DNAH1: variants seen among roughly 807,000 people sequenced by gnomAD.
The protein encoded by DNAH1 is axonemal beta dynein heavy chain 1.
A neutral mutation model predicts 484.3 loss-of-function variants in DNAH1; 327 were observed. The ratio of observed to expected loss-of-function variants is 0.68; its 90% confidence interval spans 0.62 to 0.74. DNAH1 has a LOEUF of 0.74. DNAH1 is among the 30% of genes least tolerant of loss of function. DNAH1 has a pLI of 0.00. For synonymous variants in DNAH1, 2,192 were observed against 2,191.9 expected (o/e 1.00, Z 0.00); for missense variants, 5,052 against 5,546.8 (o/e 0.91, Z 2.83).
intron 45 of DNAH1, 150 bp downstream of exon 45, chr3:52,375,563 T>C (rs1285055068): frequency 7.0e-6 from 6 of 855,026 alleles, no homozygotes; most frequent in South Asian, 5.2e-5. Context: ...TGTGTGATCT[T>C]TGGCAGCTCA....
intron 9 of DNAH1, 90 bp from the exon 10 acceptor site, chr3:52,345,405 G>A (rs1020403066): frequency 2.3e-5 from 25 of 1,095,716 alleles, no homozygotes; most frequent in Middle Eastern, 2.9e-4. Flanking sequence ...CAGGAGTCAT[G>A]GCCCTCCTTC....
intron 37 of DNAH1, among the ~76,000 whole-genome samples, chr3:52,369,128 G>A (rs756377448): frequency 6.6e-6 from 1 of 152,152 alleles, no homozygotes; most frequent in Non-Finnish European, 1.5e-5. Flanking sequence ...ACACCTCAGG[G>A]TGTCCCGCAC....
rs1032294166 is a variant in DNAH1 at position 52,397,024 on chromosome 3, C to T, written c.11767C>T (p.Pro3923Ser). The T allele has an allele frequency of 1.2e-6, 2 of 1,608,480 alleles. No homozygotes were observed. Among genetic ancestry groups the T allele is most frequent in the African/African-American group, 2.7e-5 (2 of 74,852 alleles). Reference protein sequence around the residue: ...YSASGIYHQIPPTYDLHGYLS... With the variant: ...YSASGIYHQISPTYDLHGYLS... ...CGCCTCGGGCATCTACCACCAGATC[C>T]CGCCTACCTACGACCTCCACGTGAG... is the stretch of plus-strand genomic sequence containing the variant. Residue 3923 changes from proline to serine, a missense_variant, in exon 73 of 78, where the codon CCG (proline) becomes TCG (serine). By Grantham distance (74) the Pro-to-Ser change is moderately conservative. Coordinates refer to ENST00000420323, the MANE Select transcript of DNAH1 (RefSeq NM_015512.5).
At chr3:52,324,475 C>T (rs1007243965) in intron 3 of DNAH1, among the ~76,000 whole-genome samples, 1 of 152,076 alleles carries the variant, frequency 6.6e-6, no homozygotes, top group Admixed American at 6.5e-5. Flanking sequence ...CAGGTGGCCT[C>T]CCACCTGGCC....
intron 1 of DNAH1, among the ~76,000 whole-genome samples, chr3:52,321,441 T>G (rs568940848): frequency 1.3e-5 from 2 of 152,348 alleles, no homozygotes; most frequent in African/African-American, 4.8e-5. Flanking sequence ...CAATTTTTAT[T>G]GAGGTAATTG....
chr3:52,395,428 T>C lies in DNAH1; in HGVS notation c.11089T>C (p.Ser3697Pro). 6.2e-7 allele frequency: 1 copy of C among 1,613,870 alleles called. No homozygotes were observed. The highest frequency in any genetic ancestry group is 8.5e-7 in the Non-Finnish European group (1 of 1,179,870). Residue 3697 changes from serine to proline, a missense_variant, in exon 69 of 78, where the codon TCC becomes CCC. Coordinates refer to ENST00000420323, the MANE Select transcript of DNAH1 (RefSeq NM_015512.5). The surrounding 1 kb of genome is among the most constrained non-coding windows in gnomAD (Gnocchi z 4.4). ...CAAGTTTGCCGAAGAAATGAAGTTC[T>C]CCAAAAAGCTCTCTGCCATCTCCCT... ...LYKFAEEMKF[S>P]KKLSAISLGQ...
chr3:52,393,853 C>T (rs1349830438), intron 66 of DNAH1, among the ~76,000 whole-genome samples: 2 of 152,174 alleles, frequency 1.3e-5, no homozygotes, highest in African/African-American at 2.4e-5. Flanking sequence ...GGGCTGAGAT[C>T]GTGCCACTGC....
Position 52,331,383 on chromosome 3 carries a change from G to A in DNAH1, c.1033+74G>A, listed in dbSNP as rs559771113. 1.9e-5 allele frequency: 28 copies of A among 1,497,120 alleles called. No individual in the cohort carries two copies. In the South Asian group the frequency reaches 1.9e-4, roughly 10 times the overall value. 92.7% of individuals were successfully genotyped at this position (1,497,120 alleles called of 1,614,324 possible). A position where few individuals can be genotyped will look rare whatever the true frequency, so the allele number is the denominator to read the frequency against. ...CCGGCCTGTGACTGAGGCCAACTCC[G>A]CCCAGGGCACTGCCAGATCAGGTCT... On this transcript the variant is annotated intron_variant, in intron 7 of 77. Transcript: ENST00000420323.
In DNAH1 at chr3:52,349,028, G is replaced by A. The variant is rs774523362; in HGVS notation, c.2247G>A (p.Lys749=). ...TGATCCCACTGCAGGCCTACGCCAAGGAGTACCGAAAGTACCTGGAGCTGA... is the reference window on the plus strand; with the variant it reads ...TGATCCCACTGCAGGCCTACGCCAAAGAGTACCGAAAGTACCTGGAGCTGA... ...KAMIPLQAYA[K]EYRKYLELNN... Residue 749 remains lysine (K), a synonymous_variant, in exon 13 of 78, where the codon AAG becomes AAA. Coordinates refer to ENST00000420323, the MANE Select transcript of DNAH1 (RefSeq NM_015512.5). 6.2e-7 allele frequency: 1 copy of A among 1,613,022 alleles called. No homozygotes were observed. The highest frequency in any genetic ancestry group is 8.5e-7 in the Non-Finnish European group (1 of 1,179,898).
In DNAH1 at chr3:52,359,985, A is replaced by C. The variant is rs375805820; in HGVS notation, c.4477A>C (p.Ile1493Leu). ...RMQRAVLSALIVIEVHAKDVV... is the reference protein window; with the variant it reads ...RMQRAVLSALLVIEVHAKDVV... ...GCAGCGGGCAGTGCTGTCAGCGCTA[A>C]TCGTCATTGAGGTCCATGCCAAGGA... is the stretch of plus-strand genomic sequence containing the variant. The change falls in exon 27 of 78, where the codon ATC becomes CTC. Residue 1493 changes from isoleucine to leucine, a missense_variant. By Grantham distance (5) the Ile-to-Leu change is conservative. Around this residue, in one of 4 missense-constraint regions of DNAH1, gnomAD observed 2,929 missense variants for 3,409.4 expected, o/e 0.86. Coordinates refer to ENST00000420323, the MANE Select transcript of DNAH1 (RefSeq NM_015512.5). 1.9e-6 allele frequency: 3 copies of C among 1,613,822 alleles called. No individual in the cohort carries two copies. Among genetic ancestry groups the C allele is most frequent in the Non-Finnish European group, 2.5e-6 (3 of 1,179,902 alleles).
At chr3:52,311,964 C>A (rs538531784), upstream of DNAH1, among the ~76,000 whole-genome samples, 3 of 152,326 alleles carry the variant, frequency 2.0e-5, no homozygotes, top group East Asian at 5.8e-4. Flanking sequence ...TTATCCTGCA[C>A]CTGCTGACCA....
In DNAH1 at chr3:52,352,612, G is replaced by T; in HGVS notation, c.2932G>T (p.Glu978Ter). The part of the protein sequence containing the change: ...EISRAHEIAN[E>*]VRRVKKQLKD... ...TTCACGTGCACACGAGATCGCCAAC[G>T]AGGTGCGGCGTGTCAAGAAGCAGCT... is the stretch of plus-strand genomic sequence containing the variant. Residue 978 changes from glutamate to a stop codon, truncating the protein, a stop_gained, in exon 18 of 78, where the codon GAG becomes TAG. Coordinates refer to ENST00000420323, the MANE Select transcript of DNAH1 (RefSeq NM_015512.5). LOFTEE classifies it high-confidence loss of function. 1 of 1,612,670 alleles carries T rather than the reference G, an allele frequency of 6.2e-7. No individual in the cohort carries two copies. The highest frequency in any genetic ancestry group is 8.5e-7 in the Non-Finnish European group (1 of 1,179,642).
chr3:52,360,048 G>A lies in DNAH1; in HGVS notation c.4540G>A (p.Val1514Met), dbSNP rs781347169. ...SKLIQENVVS[V>M]NDFQWISQLR... ...GCTAATCCAGGAGAACGTGGTCAGCGTGAATGACTTCCAGTGGATCTCACA... is the reference window on the plus strand; with the variant it reads ...GCTAATCCAGGAGAACGTGGTCAGCATGAATGACTTCCAGTGGATCTCACA... Residue 1514 changes from valine (V) to methionine (M), a missense_variant, in exon 27 of 78, where the codon GTG becomes ATG. By Grantham distance (21) the Val-to-Met change is conservative. Coordinates refer to ENST00000420323, the MANE Select transcript of DNAH1 (RefSeq NM_015512.5). 21 of 1,613,916 alleles carry A rather than the reference G, an allele frequency of 1.3e-5. No individual in the cohort carries two copies. The highest frequency in any genetic ancestry group is 4.0e-5 in the African/African-American group (3 of 75,070).
At position 52,357,881 on chromosome 3, in the gene DNAH1, C is replaced by A. The variant is rs779191240; in HGVS notation, c.3981-17C>A. The A allele has an allele frequency of 6.2e-7, 1 of 1,610,088 alleles. No homozygotes were observed. The highest frequency in any genetic ancestry group is 8.5e-7 in the Non-Finnish European group (1 of 1,178,012). ...GAGCCTGCACGACCCGCTTCCTCAC[C>A]CCTGTTCCCCTGGCAGATTCTACTT... On this transcript the variant is annotated splice_polypyrimidine_tract_variant and intron_variant, in intron 23 of 77. Coordinates refer to ENST00000420323, the MANE Select transcript of DNAH1 (RefSeq NM_015512.5).
At chr3:52,384,092 C>A in intron 52 of DNAH1, 61 bp downstream of exon 52, 1 of 1,456,854 alleles carries the variant, frequency 6.9e-7, no homozygotes, top group Non-Finnish European at 9.1e-7. Context: ...GGCATGGGCT[C>A]AGGGTCACCA....
Position 52,347,874 on chromosome 3 carries a change from G to T in DNAH1, c.2006G>T (p.Gly669Val). The T allele has an allele frequency of 6.2e-7, 1 of 1,605,660 alleles. No homozygotes were observed. The highest frequency in any genetic ancestry group is 2.2e-5 in the East Asian group (1 of 44,480). Residue 669 changes from glycine to valine, a missense_variant, in exon 12 of 78, where the codon GGG becomes GTG. By Grantham distance (109) the Gly-to-Val change is moderately radical. This residue lies in a region of DNAH1 where 1,263 missense variants were observed against 1,218.8 expected (regional missense o/e 1.04). Coordinates refer to ENST00000420323, the MANE Select transcript of DNAH1 (RefSeq NM_015512.5). Reference protein sequence around the residue: ...FIMDLVLDSSGVHYSTPLEQF... With the variant: ...FIMDLVLDSSVVHYSTPLEQF... ...ATGGACCTGGTGCTGGACAGCTCTG[G>T]GGTGCACTATAGCACCCCACTGGAG...
chr3:52,322,416 G>C lies in DNAH1; in HGVS notation c.-27G>C, dbSNP rs374876112. ...GCTGGGTTCTTCTCCTAGGAGCTTC[G>C]GCTGGGGCATCTCCCTGAGAAGCAG... is the stretch of plus-strand genomic sequence containing the variant. On this transcript the variant is annotated 5_prime_UTR_variant, in exon 2 of 78. Transcript: ENST00000420323. 6.3e-7 allele frequency: 1 copy of C among 1,588,488 alleles called. No homozygotes were observed. The highest frequency in any genetic ancestry group is 8.5e-7 in the Non-Finnish European group (1 of 1,172,598).
At chr3:52,346,056 G>A (rs1252463942) in intron 10 of DNAH1, among the ~76,000 whole-genome samples, 1 of 152,190 alleles carries the variant, frequency 6.6e-6, no homozygotes, top group Non-Finnish European at 1.5e-5. Flanking sequence ...GGGGTATGAG[G>A]GAGGTGGGGG....
rs568251975 is a variant in DNAH1, at chr3:52,386,125, A to AG, written c.8626-29dup. The AG allele has an allele frequency of 2.7e-5, 43 of 1,585,384 alleles. No individual in the cohort carries two copies. In the African/African-American group the frequency reaches 5.0e-4, roughly 18 times the overall value. On this transcript the variant is annotated intron_variant, in intron 54 of 77. Coordinates refer to ENST00000420323, the MANE Select transcript of DNAH1 (RefSeq NM_015512.5). ...GAGACTAAGATGCAGAGAAGAGAAA[A>AG]GGGGGGAGGACATCCCTATGTCTCC...
Sources: allele counts gnomAD v4.1 joint callset (sites outside exome capture counted in the v4.1 genomes callset), GRCh38; gene constraint gnomAD v4.1.1; regional missense constraint gnomAD v4.1.1; non-coding constraint Gnocchi (gnomAD v3.1); transcripts MANE v1.5; gene names NCBI Gene and HGNC (gene_info 2026-07-23, HGNC 2026-07-21).